HRH1: variants seen among roughly 807,000 people sequenced by gnomAD.
HRH1 encodes histamine H1 receptor.
HRH1 carries 6 observed loss-of-function variants against 10.3 expected under a neutral mutation model. The observed-to-expected ratio is 0.58, with a 90% CI of 0.32 to 1.15. HRH1 has a LOEUF of 1.15. Ranked by LOEUF, HRH1 falls within the 50% of genes most tolerant of loss-of-function variation. The probability of loss-of-function intolerance (pLI) is 0.05; values close to 1 mark genes in which losing one functional copy is unlikely to be tolerated. For synonymous variants in HRH1, 242 were observed against 236.7 expected, an observed-to-expected ratio of 1.02 and a Z score of -0.21; for missense variants, 514 against 615.3, an observed-to-expected ratio of 0.84 and a Z score of 1.74.
intron 1 of HRH1, among the ~76,000 whole-genome samples, chr3:11,167,112 GATT>G (rs1937057939): frequency 6.9e-6 from 1 of 144,518 alleles, no homozygotes; most frequent in Non-Finnish European, 1.5e-5. Context: ...CTGTTCCCTG[GATT>G]CCCCAGGCCC....
At position 11,219,314 on chromosome 3, in the gene HRH1, C is replaced by T. The variant is rs187754866; in HGVS notation, c.-35-39689C>T. ...TAAGAATTCTGGAGATGGATGGTGG[C>T]GATGAGTTCATGGTTGCGTGGTTGT... On this transcript the variant is annotated intron_variant, in intron 1 of 1. Coordinates refer to ENST00000431010, the MANE Select transcript of HRH1 (RefSeq NM_001098212.2). 5.3e-5 allele frequency among the ~76,000 whole-genome samples: 8 copies of T among 152,170 alleles called. No individual in the cohort carries two copies. The East Asian group carries it at 5.8e-4, about 11-fold the overall frequency.
rs758637643 is a variant in HRH1 at position 11,259,160 on chromosome 3, A to G, written c.123A>G (p.Thr41=). 6.2e-7 allele frequency: 1 copy of G among 1,613,850 alleles called. No individual in the cohort carries two copies. Among genetic ancestry groups the G allele is most frequent in the East Asian group, 2.2e-5 (1 of 44,842 alleles). The part of the protein sequence containing the change: ...VVVLSTICLV[T]VGLNLLVLYA... ...TCCTGAGCACTATCTGCTTGGTCAC[A>G]GTAGGGCTCAACCTGCTGGTGCTGT... The change falls in exon 2 of 2, where the codon ACA becomes ACG. Residue 41 remains threonine (T), a synonymous_variant. Transcript: ENST00000431010. This position sits in a 1 kb window ranked among gnomAD's most constrained non-coding sequence, Gnocchi z 4.6.
chr3:11,238,180 G>A (rs575573878), intron 1 of HRH1, among the ~76,000 whole-genome samples: 1 of 152,162 alleles, frequency 6.6e-6, no homozygotes, highest in Non-Finnish European at 1.5e-5. Flanking sequence ...AATCAAACAA[G>A]TTCAATCTCT....
At chr3:11,239,562 G>A (rs1479570596) in intron 1 of HRH1, among the ~76,000 whole-genome samples, 2 of 152,074 alleles carry the variant, frequency 1.3e-5, no homozygotes, top group Non-Finnish European at 2.9e-5. Flanking sequence ...TTATGCCTTT[G>A]GTGCTGTGTC....
intron 1 of HRH1, among the ~76,000 whole-genome samples, chr3:11,183,013 T>C (rs923358): frequency 0.18 from 26,943 of 152,226 alleles, 2,818 homozygotes; most frequent in Admixed American, 0.32. Context: ...AATGTTCTAA[T>C]AACCACAGAG....
At chr3:11,190,955 G>A (rs1186879014) in intron 1 of HRH1, among the ~76,000 whole-genome samples, 1 of 152,152 alleles carries the variant, frequency 6.6e-6, no homozygotes, top group Non-Finnish European at 1.5e-5. Flanking sequence ...TGAGCTTCTT[G>A]TTCAGGTCTC....
intron 1 of HRH1, among the ~76,000 whole-genome samples, chr3:11,200,728 C>T (rs1383610402): frequency 2.6e-5 from 4 of 152,104 alleles, no homozygotes; most frequent in African/African-American, 9.7e-5. Flanking sequence ...TGACCATTAC[C>T]TAACCCTTAC....
chr3:11,141,179 A>C (rs1936286126), intron 1 of HRH1, among the ~76,000 whole-genome samples: 1 of 152,172 alleles, frequency 6.6e-6, no homozygotes, highest in South Asian at 2.1e-4. Flanking sequence ...CTCTGCAGGG[A>C]AGAGACTTCA....
At chr3:11,152,301 T>A (rs532078068), upstream of HRH1, among the ~76,000 whole-genome samples, 2 of 152,292 alleles carry the variant, frequency 1.3e-5, no homozygotes, top group Non-Finnish European at 2.9e-5. Flanking sequence ...GTTAGTAAGT[T>A]GATTGTGCCC....
At position 11,230,108 on chromosome 3, in the gene HRH1, A is replaced by G. The variant is rs1489359182; in HGVS notation, c.-35-28895A>G. On this transcript the variant is annotated intron_variant, in intron 1 of 1. Transcript: ENST00000431010. ...CAAAAGGAGTAGGTGGCTGGCCTCT[A>G]GAAGGCCAGTGACGGACAGGAGACA... 2.0e-5 allele frequency among the ~76,000 whole-genome samples: 3 copies of G among 152,284 alleles called. No individual in the cohort carries two copies. In the East Asian group the frequency reaches 5.8e-4, roughly 29 times the overall value.
chr3:11,216,532 G>C (rs557778693), intron 1 of HRH1, among the ~76,000 whole-genome samples: 1 of 152,214 alleles, frequency 6.6e-6, no homozygotes, highest in African/African-American at 2.4e-5. Context: ...AAAAGGGCAC[G>C]TAGTATATGA....
intron 1 of HRH1, among the ~76,000 whole-genome samples, chr3:11,139,115 G>C (rs1181288838): frequency 6.6e-6 from 1 of 151,356 alleles, no homozygotes; most frequent in African/African-American, 2.4e-5. Context: ...AGCCTCCCAA[G>C]TAGCTGGGAT....
At chr3:11,238,015 G>A (rs892832943) in intron 1 of HRH1, among the ~76,000 whole-genome samples, 4 of 150,868 alleles carry the variant, frequency 2.7e-5, no homozygotes, top group Non-Finnish European at 5.9e-5. Context: ...AGAGATAACT[G>A]AGCTGGGCTT....
chr3:11,165,955 G>C (rs1272901375), intron 1 of HRH1, among the ~76,000 whole-genome samples: 1 of 152,200 alleles, frequency 6.6e-6, no homozygotes, highest in African/African-American at 2.4e-5. Context: ...TTTGTGCTGA[G>C]AACTTTATAT....
At chr3:11,169,316 C>G (rs1335785922) in intron 1 of HRH1, among the ~76,000 whole-genome samples, 1 of 152,164 alleles carries the variant, frequency 6.6e-6, no homozygotes, top group Admixed American at 6.5e-5. Flanking sequence ...CACCCCCAGG[C>G]CTGTGTCTCG....
intron 1 of HRH1, among the ~76,000 whole-genome samples, chr3:11,188,564 A>G (rs1937489798): frequency 6.6e-6 from 1 of 152,226 alleles, no homozygotes; most frequent in Non-Finnish European, 1.5e-5. Context: ...CAGAAAAGAA[A>G]AGAATGAATC....
chr3:11,258,634 GC>G (rs1559288299), intron 1 of HRH1, among the ~76,000 whole-genome samples: 2 of 152,304 alleles, frequency 1.3e-5, no homozygotes, highest in African/African-American at 4.8e-5. Context: ...GCTATATTCT[GC>G]TTAGACACAT....
At chr3:11,154,143 G>T (rs999502607), upstream of HRH1, among the ~76,000 whole-genome samples, 1 of 152,178 alleles carries the variant, frequency 6.6e-6, no homozygotes, top group African/African-American at 2.4e-5. The surrounding 1 kb of genome is among the most constrained non-coding windows in gnomAD (Gnocchi z 4.4). Context: ...GCAGGTGCGT[G>T]GGTGGGGGTG....
At chr3:11,184,645 G>A (rs547435636) in intron 1 of HRH1, among the ~76,000 whole-genome samples, 2 of 152,122 alleles carry the variant, frequency 1.3e-5, no homozygotes, top group Admixed American at 6.5e-5. Context: ...GGCCGGGCCC[G>A]ATGACTCGCA....
Sources: gnomAD v4.1 joint callset for allele counts (sites outside exome capture counted in the v4.1 genomes callset) on GRCh38, gnomAD v4.1.1 for gene constraint, Gnocchi (gnomAD v3.1) non-coding constraint, MANE v1.5 for transcripts, NCBI Gene and HGNC (gene_info 2026-07-23, HGNC 2026-07-21) for gene names.